Variants in NEBL observed in about 807,000 individuals in gnomAD.
NEBL encodes nebulette, also known as LIM and SH3 protein 2.
NEBL carries 122 observed loss-of-function variants against 140.2 expected under a neutral mutation model. The observed-to-expected ratio is 0.87, with a 90% CI of 0.75 to 1.01. The LOEUF (loss-of-function observed/expected upper bound fraction) is 1.01. Ranked by LOEUF, NEBL falls within the 50% of genes least tolerant of loss-of-function variation. NEBL has a pLI of 0.00. For missense variants in NEBL, 1,365 were observed against 1,231.3 expected (o/e 1.11, Z -1.62); for synonymous variants, 436 against 398.9 (o/e 1.09, Z -1.11).
intron 2 of NEBL, among the ~76,000 whole-genome samples, chr10:21,163,195 T>C (rs1840625828): frequency 6.6e-6 from 1 of 152,196 alleles, no homozygotes; most frequent in African/African-American, 2.4e-5. Flanking sequence ...GAAAGTCTGC[T>C]AGAAACCCAG....
chr10:21,209,870 G>A (rs1294185146), intron 3 of NEBL, among the ~76,000 whole-genome samples: 2 of 152,078 alleles, frequency 1.3e-5, no homozygotes, highest in East Asian at 1.9e-4. Context: ...TGCACTCCAC[G>A]ATTATCCTTG....
chr10:21,195,730 A>G (rs1841638253), intron 3 of NEBL, among the ~76,000 whole-genome samples: 1 of 152,236 alleles, frequency 6.6e-6, no homozygotes, highest in South Asian at 2.1e-4. Context: ...GAACTAGTCA[A>G]GTTTAAAATA....
chr10:20,965,657 G>A (rs986261607), intron 3 of NEBL, among the ~76,000 whole-genome samples: 2 of 152,208 alleles, frequency 1.3e-5, no homozygotes, highest in African/African-American at 4.8e-5. Context: ...ATGCGGAACA[G>A]CGGTATGCCC....
intron 2 of NEBL, among the ~76,000 whole-genome samples, chr10:21,026,732 G>A (rs1024675373): frequency 6.6e-6 from 1 of 152,184 alleles, no homozygotes; most frequent in Non-Finnish European, 1.5e-5. Flanking sequence ...AGTTAACATG[G>A]CAGGGCTGCC....
intron 2 of NEBL, among the ~76,000 whole-genome samples, chr10:21,154,424 A>C (rs1025673606): frequency 1.4e-5 from 2 of 145,546 alleles, no homozygotes; most frequent in African/African-American, 5.2e-5. Context: ...GCGCCACTGC[A>C]CTCCATCCTG....
rs74120695 is a variant in NEBL, at chr10:20,835,833, A to G, written c.1339-210T>C. On this transcript the variant is annotated intron_variant, in intron 13 of 27. Transcript: ENST00000377122. ...CTGAAGAAGGGCATGCAAAGCTCCA[A>G]AAATGTTTAGTATACAAAGGCAATT... Among the ~76,000 whole-genome samples the G allele has an allele frequency of 0.017, 2,638 of 152,320 alleles. 86 individuals are homozygous for G. Among genetic ancestry groups the G allele is most frequent in the African/African-American group, 0.06 (2,511 of 41,554 alleles).
chr10:20,901,404 G>T (rs1054059520), upstream of NEBL, among the ~76,000 whole-genome samples: 1 of 152,250 alleles, frequency 6.6e-6, no homozygotes, highest in East Asian at 1.9e-4. Flanking sequence ...CACCTTCCTT[G>T]AGGTCGCCTA....
chr10:20,895,355 C>T (rs1326698180), intron 2 of NEBL, among the ~76,000 whole-genome samples: 1 of 152,176 alleles, frequency 6.6e-6, no homozygotes, highest in Non-Finnish European at 1.5e-5. Context: ...AACAACATTT[C>T]ATGGAAATCT....
Position 20,809,840 on chromosome 10 carries a change from G to A in NEBL, c.2577C>T (p.Asp859=), listed in dbSNP as rs746553915. 5.0e-6 allele frequency: 8 copies of A among 1,612,674 alleles called. No homozygotes were observed. The highest frequency in any genetic ancestry group is 3.3e-5 in the Admixed American group (2 of 59,854). Residue 859 remains aspartate (D), a synonymous_variant, in exon 25 of 28, where the codon GAC becomes GAT. Coordinates refer to ENST00000377122, the MANE Select transcript of NEBL (RefSeq NM_006393.3). ...TATGGAGACTTCTAGACTGAATATT[G>A]TCTTCCAGGGGATCAAGGTCGAAGA... ...GSIFDLDPLE[D]NIQSRSLHML... is the part of the protein sequence containing the mutation.
chr10:20,791,907 A>G (rs1042063768), intron 26 of NEBL, among the ~76,000 whole-genome samples: 1 of 152,208 alleles, frequency 6.6e-6, no homozygotes, highest in African/African-American at 2.4e-5. Context: ...TTTGTATGCC[A>G]TCATTTAATT....
chr10:21,150,478 A>G (rs1362059898), intron 2 of NEBL, among the ~76,000 whole-genome samples: 2 of 152,224 alleles, frequency 1.3e-5, no homozygotes, highest in African/African-American at 4.8e-5. Flanking sequence ...TTGCACAACT[A>G]CAATATGTGA....
intron 4 of NEBL, among the ~76,000 whole-genome samples, chr10:20,951,243 C>T (rs1373312583): frequency 6.6e-6 from 1 of 152,126 alleles, no homozygotes; most frequent in African/African-American, 2.4e-5. Flanking sequence ...GGAGGCATTT[C>T]ACAAAAGCAA....
chr10:20,900,563 C>G (rs905661204), upstream of NEBL, among the ~76,000 whole-genome samples: 1 of 151,186 alleles, frequency 6.6e-6, no homozygotes, highest in Non-Finnish European at 1.5e-5. Flanking sequence ...GTGGTTCACG[C>G]CTGTAATCCT....
At chr10:21,157,122 T>C (rs923869910) in intron 2 of NEBL, among the ~76,000 whole-genome samples, 4 of 152,132 alleles carry the variant, frequency 2.6e-5, no homozygotes, top group African/African-American at 4.8e-5. Context: ...TCCTTGAAAA[T>C]ATTAGTGAAA....
intron 27 of NEBL, among the ~76,000 whole-genome samples, chr10:20,786,709 T>G (rs974764386): frequency 6.6e-6 from 1 of 152,184 alleles, no homozygotes; most frequent in Non-Finnish European, 1.5e-5. Context: ...AATTTCTGCA[T>G]GAGAAGCCAA....
intron 2 of NEBL, among the ~76,000 whole-genome samples, chr10:21,046,550 A>T (rs534999559): frequency 1.3e-5 from 2 of 152,204 alleles, no homozygotes; most frequent in African/African-American, 2.4e-5. Flanking sequence ...TTTCTGCTTT[A>T]AAAAATTTGG....
At chr10:21,215,885 G>C (rs1841985127) in intron 3 of NEBL, among the ~76,000 whole-genome samples, 1 of 152,102 alleles carries the variant, frequency 6.6e-6, no homozygotes, top group Admixed American at 6.6e-5. Flanking sequence ...TGCTCAGGCT[G>C]GTCTTAAACT....
chr10:21,123,691 C>T (rs1838683416), intron 2 of NEBL, among the ~76,000 whole-genome samples: 1 of 151,498 alleles, frequency 6.6e-6, no homozygotes, highest in Admixed American at 6.6e-5. Context: ...TATAGTTCCC[C>T]TTCTCTGAAT....
At chr10:20,907,449 T>A (rs554243214) in intron 4 of NEBL, among the ~76,000 whole-genome samples, 1 of 152,286 alleles carries the variant, frequency 6.6e-6, no homozygotes, top group East Asian at 1.9e-4. Flanking sequence ...TACATACTTA[T>A]ATGACTGAAT....
Sources: allele counts gnomAD v4.1 joint callset (sites outside exome capture counted in the v4.1 genomes callset), GRCh38; gene constraint gnomAD v4.1.1; transcripts MANE v1.5; gene names NCBI Gene and HGNC (gene_info 2026-07-23, HGNC 2026-07-21).